DHX57: variants seen among roughly 807,000 people sequenced by gnomAD.
DHX57 encodes DExH-box helicase 57.
DHX57 carries 105 observed loss-of-function variants against 156.2 expected under a neutral mutation model. That is an observed-to-expected ratio of 0.67 (90% CI 0.57 to 0.79). DHX57 has a LOEUF of 0.79. DHX57 is among the 30% of genes least tolerant of loss of function. The pLI is 0.00. For synonymous variants in DHX57, 704 were observed against 595.6 expected (o/e 1.18, Z -2.65); for missense variants, 1,847 against 1,661.9 (o/e 1.11, Z -1.94).
intron 22 of DHX57, 117 bp from the exon 23 acceptor site, chr2:38,803,032 G>T: frequency 9.1e-7 from 1 of 1,097,678 alleles, no homozygotes. Context: ...TTTATCTATA[G>T]CCCGTGACTT....
intron 23 of DHX57, among the ~76,000 whole-genome samples, 171 bp downstream of exon 23, chr2:38,802,544 T>C (rs1669733263): frequency 6.6e-6 from 1 of 152,150 alleles, no homozygotes. Context: ...TGCCTCGGCC[T>C]CCCAAAGTGC....
chr2:38,858,030 C>A (rs375357118), intron 6 of DHX57, among the ~76,000 whole-genome samples: 2 of 152,090 alleles, frequency 1.3e-5, no homozygotes, highest in African/African-American at 4.8e-5. Flanking sequence ...ACCACGCCCG[C>A]CTGGCTCTAA....
chr2:38,808,324 TAAATA>T (rs1445896100), intron 21 of DHX57, among the ~76,000 whole-genome samples: 1 of 152,100 alleles, frequency 6.6e-6, no homozygotes, highest in Non-Finnish European at 1.5e-5. Flanking sequence ...CATAAACACA[TAAATA>T]AAATAGCTTG....
At chr2:38,816,106 G>C (rs112040684) in intron 19 of DHX57, 1 of 471,534 alleles carries the variant, frequency 2.1e-6, no homozygotes, top group Non-Finnish European at 4.4e-6. Flanking sequence ...CAGGCCTAGA[G>C]TGGTTCGTGC....
intron 22 of DHX57, among the ~76,000 whole-genome samples, chr2:38,803,666 T>G (rs895488303): frequency 6.6e-6 from 1 of 151,504 alleles, no homozygotes; most frequent in South Asian, 2.1e-4. Flanking sequence ...TTTTGTATTT[T>G]TAGTAGAGAC....
At chr2:38,855,567 A>G (rs952944519) in intron 7 of DHX57, among the ~76,000 whole-genome samples, 2 of 152,192 alleles carry the variant, frequency 1.3e-5, no homozygotes, top group Non-Finnish European at 1.5e-5. Flanking sequence ...AAAGAAAAGG[A>G]GTATTAGCTT....
intron 10 of DHX57, 132 bp from the exon 11 acceptor site, chr2:38,847,205 T>C (rs1414682854): frequency 1.4e-5 from 10 of 709,166 alleles, no homozygotes; most frequent in South Asian, 2.3e-5. Context: ...CTTAAAAGTA[T>C]CAAGAAGAAA....
At chr2:38,861,952 G>T in intron 4 of DHX57, 115 bp from the exon 5 acceptor site, 1 of 1,279,070 alleles carries the variant, frequency 7.8e-7, no homozygotes. Context: ...GGCAGGGCTT[G>T]TATTTTGAAA....
At chr2:38,817,223 C>T (rs549360191) in intron 19 of DHX57, among the ~76,000 whole-genome samples, 7 of 151,888 alleles carry the variant, frequency 4.6e-5, no homozygotes, top group South Asian at 2.1e-4. Context: ...TGAGCCACTG[C>T]GCAGGGTCCC....
intron 2 of DHX57, among the ~76,000 whole-genome samples, chr2:38,865,710 A>G (rs1240559421): frequency 2.0e-5 from 3 of 152,184 alleles, no homozygotes; most frequent in Non-Finnish European, 2.9e-5. Context: ...CCAGGGCTCA[A>G]ACATCAGATA....
intron 9 of DHX57, among the ~76,000 whole-genome samples, chr2:38,852,016 T>C (rs1672619467): frequency 1.3e-5 from 2 of 152,130 alleles, no homozygotes; most frequent in African/African-American, 4.8e-5. Context: ...TGTATAGTAA[T>C]TTAATATTTA....
chr2:38,868,776 C>G (rs1475407821), intron 1 of DHX57, among the ~76,000 whole-genome samples: 2 of 151,704 alleles, frequency 1.3e-5, no homozygotes, highest in Non-Finnish European at 2.9e-5. Context: ...ATCCTAGATT[C>G]TCATTTGGTT....
intron 1 of DHX57, among the ~76,000 whole-genome samples, chr2:38,871,399 T>C (rs895003281): frequency 2.6e-5 from 4 of 152,136 alleles, no homozygotes; most frequent in Admixed American, 2.0e-4. Context: ...ACAAGTATAG[T>C]TGGGTATATA....
Position 38,842,727 on chromosome 2 carries a change from T to C in DHX57, c.2425+278A>G, listed in dbSNP as rs140474202. ...CACATCAAAATAAAAAGCTACAAAA[T>C]GCACAAGAATATAACTTATATTTTA... On this transcript the variant is annotated intron_variant, in intron 12 of 23. Transcript: ENST00000457308. Among the ~76,000 whole-genome samples the C allele has an allele frequency of 9.0e-3, 1,364 of 152,240 alleles. 9 individuals are homozygous for C. The highest frequency in any genetic ancestry group is 0.014 in the Non-Finnish European group (935 of 67,998).
At chr2:38,827,952 G>T (rs1346440384) in intron 14 of DHX57, among the ~76,000 whole-genome samples, 1 of 152,080 alleles carries the variant, frequency 6.6e-6, no homozygotes, top group Admixed American at 6.6e-5. Flanking sequence ...TGCCTCCCGG[G>T]TTCAAGCTAT....
chr2:38,816,265 A>G, intron 19 of DHX57: 1 of 461,254 alleles, frequency 2.2e-6, no homozygotes, highest in South Asian at 1.6e-5. Context: ...TCCAGGCTGG[A>G]GTGCAGTGGC....
intron 13 of DHX57, among the ~76,000 whole-genome samples, chr2:38,836,884 G>C (rs3099994): frequency 0.3 from 45,382 of 151,662 alleles, 7,289 homozygotes; most frequent in Non-Finnish European, 0.37. Flanking sequence ...ACAGGGTCTT[G>C]CTCTGTTGCC....
chr2:38,863,458 C>T lies in DHX57; in HGVS notation c.286G>A (p.Val96Ile). 2 of 1,614,100 alleles carry T rather than the reference C, an allele frequency of 1.2e-6. No homozygotes were observed. Among genetic ancestry groups the T allele is most frequent in the Non-Finnish European group, 1.7e-6 (2 of 1,180,006 alleles). ...GTCATATGTAGAGTCTGAAGGGGTA[C>T]TTTGGCTTTGGGTTTCCATTTTGGG... is the stretch of plus-strand genomic sequence containing the variant. Reference protein sequence around the residue: ...SRPKWKPKAKVPLQTLHMTSE... With the variant: ...SRPKWKPKAKIPLQTLHMTSE... The change falls in exon 3 of 24, where the codon GTA becomes ATA. Residue 96 changes from valine to isoleucine, a missense_variant. By Grantham distance (29) the Val-to-Ile change is conservative (BLOSUM62 3). Transcript: ENST00000457308.
At position 38,855,045 on chromosome 2, in the gene DHX57, G is replaced by A. The variant is rs1459175590; in HGVS notation, c.1905+12C>T. On this transcript the variant is annotated intron_variant, in intron 8 of 23. Transcript: ENST00000457308. ...AATTTCTGTTACCAGGAAATAAGCA[G>A]AGCATACAAACCTTGACACTTTCTA... 6.2e-7 allele frequency: 1 copy of A among 1,614,056 alleles called. No individual in the cohort carries two copies. The highest frequency in any genetic ancestry group is 1.1e-5 in the South Asian group (1 of 91,070).
Sources: gnomAD v4.1 joint callset for allele counts (sites outside exome capture counted in the v4.1 genomes callset) on GRCh38, gnomAD v4.1.1 for gene constraint, MANE v1.5 for transcripts, NCBI Gene and HGNC (gene_info 2026-07-23, HGNC 2026-07-21) for gene names.